MYZAP: variants seen among roughly 807,000 people sequenced by gnomAD.
MYZAP encodes the protein GRINL1A complex locus upstream.
A neutral mutation model predicts 69.4 loss-of-function variants in MYZAP; 66 were observed. The observed-to-expected ratio is 0.95, with a 90% CI of 0.78 to 1.17. The LOEUF (loss-of-function observed/expected upper bound fraction) is 1.17, where lower values mean the gene tolerates loss of function less well. MYZAP is among the 50% of genes most tolerant of loss of function. The pLI is 0.00. For missense variants in MYZAP, 611 were observed against 556.2 expected (o/e 1.10, Z -0.99); for synonymous variants, 256 against 205.9 (o/e 1.24, Z -2.09).
At chr15:57,633,088 A>T (rs942964618) in intron 7 of MYZAP, among the ~76,000 whole-genome samples, 1 of 152,216 alleles carries the variant, frequency 6.6e-6, no homozygotes, top group South Asian at 2.1e-4. Flanking sequence ...TGCGTCTCAC[A>T]TCTTGGCTTT....
At chr15:57,611,791 A>T (rs192415168) in intron 2 of MYZAP, among the ~76,000 whole-genome samples, 1 of 152,146 alleles carries the variant, frequency 6.6e-6, no homozygotes, top group Admixed American at 6.5e-5. Flanking sequence ...AGCAGTGGCT[A>T]TTCCCAGGTG....
chr15:57,676,849 G>C (rs1290767474), intron 12 of MYZAP, among the ~76,000 whole-genome samples: 1 of 152,106 alleles, frequency 6.6e-6, no homozygotes, highest in East Asian at 1.9e-4. Flanking sequence ...CTTAACTTAT[G>C]GCCATGGTGA....
At chr15:57,653,237 G>T (rs2037816923) in intron 10 of MYZAP, among the ~76,000 whole-genome samples, 1 of 152,086 alleles carries the variant, frequency 6.6e-6, no homozygotes, top group African/African-American at 2.4e-5. Context: ...ACATTATAAA[G>T]AAATTTCAAA....
intron 11 of MYZAP, among the ~76,000 whole-genome samples, chr15:57,671,629 T>C (rs536084941): frequency 6.4e-4 from 98 of 152,286 alleles, no homozygotes; most frequent in Non-Finnish European, 1.1e-3. Context: ...TATTGTAAAA[T>C]TTACTGACTT....
intron 2 of MYZAP, among the ~76,000 whole-genome samples, chr15:57,605,871 A>G (rs1364132294): frequency 6.6e-6 from 1 of 152,174 alleles, no homozygotes; most frequent in African/African-American, 2.4e-5. Context: ...CACTGGCCAA[A>G]ATGGGAACAG....
chr15:57,684,086 G>A (rs577413583), intron 12 of MYZAP, among the ~76,000 whole-genome samples: 2 of 151,556 alleles, frequency 1.3e-5, no homozygotes, highest in East Asian at 2.0e-4. Flanking sequence ...GAGCCACCAC[G>A]CTGGGCCTGG....
intron 10 of MYZAP, among the ~76,000 whole-genome samples, chr15:57,644,926 C>T (rs1355920892): frequency 1.3e-5 from 2 of 152,198 alleles, no homozygotes; most frequent in African/African-American, 4.8e-5. Context: ...TCCAATCCAC[C>T]TAAGTCCTTG....
At chr15:57,637,430 T>A (rs2036879280) in intron 8 of MYZAP, among the ~76,000 whole-genome samples, 1 of 152,244 alleles carries the variant, frequency 6.6e-6, no homozygotes. Context: ...AAATTTTCAC[T>A]GATCCTGGGC....
At chr15:57,658,357 C>A (rs2038107591) in intron 10 of MYZAP, among the ~76,000 whole-genome samples, 1 of 152,192 alleles carries the variant, frequency 6.6e-6, no homozygotes, top group African/African-American at 2.4e-5. Context: ...TCACACCTAA[C>A]AAAATTAATG....
chr15:57,644,271 A>C (rs1204146949), intron 10 of MYZAP, among the ~76,000 whole-genome samples: 2 of 152,040 alleles, frequency 1.3e-5, no homozygotes, highest in African/African-American at 2.4e-5. Flanking sequence ...CTGCTGGTGA[A>C]CTCAATAGGA....
intron 10 of MYZAP, among the ~76,000 whole-genome samples, chr15:57,644,183 C>T (rs1220789659): frequency 6.6e-6 from 1 of 152,192 alleles, no homozygotes; most frequent in African/African-American, 2.4e-5. Context: ...AGAGCGGTGG[C>T]CTGACTCTCC....
intron 4 of MYZAP, among the ~76,000 whole-genome samples, chr15:57,624,720 C>T (rs1270583658): frequency 6.6e-6 from 1 of 152,220 alleles, no homozygotes; most frequent in Non-Finnish European, 1.5e-5. Context: ...CTACTGGTCT[C>T]CTCCTTCTCC....
chr15:57,653,523 A>G (rs1403815946), intron 10 of MYZAP, among the ~76,000 whole-genome samples: 1 of 152,154 alleles, frequency 6.6e-6, no homozygotes, highest in African/African-American at 2.4e-5. Flanking sequence ...ACTGAATTCC[A>G]TTTTCCTTAT....
chr15:57,647,869 A>C (rs1161254810), intron 10 of MYZAP: 1 of 985,146 alleles, frequency 1.0e-6, no homozygotes. Flanking sequence ...TCCTGCCTGT[A>C]CTGTGATATG....
rs1343739061 is a variant in MYZAP at position 57,629,810 on chromosome 15, C to A, written c.634C>A (p.Gln212Lys). The change falls in exon 6 of 13, where the codon CAG (glutamine) becomes AAG (lysine). Residue 212 changes from glutamine to lysine, a missense_variant. Physicochemically the swap from Gln to Lys is moderately conservative, Grantham distance 53 (BLOSUM62 1). Transcript: ENST00000267853. ...GGACAAGCTGAGGGAAAAGCAGAGG[C>A]AGTTGGAGGTAGCGCAAGTTGAAAA... is the stretch of plus-strand genomic sequence containing the variant. ...SMDKLREKQR[Q>K]LEVAQVENQL... 6.2e-7 allele frequency: 1 copy of A among 1,613,922 alleles called. No homozygotes were observed. The highest frequency in any genetic ancestry group is 1.3e-5 in the African/African-American group (1 of 75,016).
At chr15:57,592,252 CG>C in intron 1 of MYZAP, 143 bp downstream of exon 1, 2 of 752,850 alleles carry the variant, frequency 2.7e-6, no homozygotes, top group East Asian at 7.0e-5. Context: ...GGTCCTGTGC[CG>C]GCTCTGGCAG....
chr15:57,605,462 C>T (rs886845232), intron 2 of MYZAP, among the ~76,000 whole-genome samples: 3 of 152,138 alleles, frequency 2.0e-5, no homozygotes, highest in African/African-American at 7.2e-5. Flanking sequence ...GAGTTAACCA[C>T]TAATGTGGTC....
Position 57,661,462 on chromosome 15 carries a change from A to G in MYZAP, c.1132A>G (p.Lys378Glu). Residue 378 changes from lysine to glutamate, a missense_variant, in exon 11 of 13, where the codon AAG becomes GAG. Physicochemically the swap from Lys to Glu is moderately conservative, Grantham distance 56. Transcript: ENST00000267853. ...KQMVEEIESL[K>E]KKLQQKQLLI... is the part of the protein sequence containing the mutation. ...CCTTTCTTTCTAGATTGAATCATTA[A>G]AGAAAAAGTTGCAACAGAAACAGCT... 1 of 1,607,748 alleles carries G rather than the reference A, an allele frequency of 6.2e-7. No individual in the cohort carries two copies. The highest frequency in any genetic ancestry group is 1.3e-5 in the African/African-American group (1 of 74,804).
At chr15:57,619,455 C>A (rs1567209636) in intron 3 of MYZAP, among the ~76,000 whole-genome samples, 2 of 152,180 alleles carry the variant, frequency 1.3e-5, no homozygotes, top group Non-Finnish European at 2.9e-5. Context: ...CAGCTTATTG[C>A]AGCTTCTACT....
Sources: allele counts gnomAD v4.1 joint callset (sites outside exome capture counted in the v4.1 genomes callset), GRCh38; gene constraint gnomAD v4.1.1; transcripts MANE v1.5; gene names NCBI Gene and HGNC (gene_info 2026-07-23, HGNC 2026-07-21).